IFI16: variants seen among roughly 807,000 people sequenced by gnomAD.
The protein encoded by IFI16 is gamma-interferon-inducible protein 16.
A neutral mutation model predicts 68.4 loss-of-function variants in IFI16; 49 were observed. The ratio of observed to expected loss-of-function variants is 0.72; its 90% CI spans 0.57 to 0.91. The LOEUF (loss-of-function observed/expected upper bound fraction) is 0.91, where lower values mean the gene tolerates loss of function less well. Ranked by LOEUF, IFI16 falls within the 40% of genes least tolerant of loss-of-function variation. The pLI is 0.00. For synonymous variants in IFI16, 307 were observed against 315.0 expected, an observed-to-expected ratio of 0.97 and a Z score of 0.27; for missense variants, 878 against 942.9, an observed-to-expected ratio of 0.93 and a Z score of 0.90.
intron 9 of IFI16, among the ~76,000 whole-genome samples, chr1:159,050,359 C>A (rs1208782135): frequency 6.6e-6 from 1 of 152,172 alleles, no homozygotes; most frequent in Non-Finnish European, 1.5e-5. Flanking sequence ...TCATTGCCCT[C>A]AGAGTAGCTT....
chr1:159,050,617 G>A (rs1329847830), intron 9 of IFI16, among the ~76,000 whole-genome samples: 2 of 152,136 alleles, frequency 1.3e-5, no homozygotes, highest in Admixed American at 1.3e-4. Context: ...CTGCCTCCAT[G>A]TTCTGGTCTC....
At chr1:159,045,729 T>G (rs1170013780) in intron 8 of IFI16, among the ~76,000 whole-genome samples, 1 of 151,088 alleles carries the variant, frequency 6.6e-6, no homozygotes, top group African/African-American at 2.4e-5. Flanking sequence ...TTTCCCTCAA[T>G]ACACCACGAA....
At chr1:159,036,681 T>A (rs16841571) in intron 7 of IFI16, among the ~76,000 whole-genome samples, 1 of 152,224 alleles carries the variant, frequency 6.6e-6, no homozygotes, top group African/African-American at 2.4e-5. Context: ...AATCAGGTGC[T>A]GTAAGTCTCT....
intron 10 of IFI16, chr1:159,052,693 G>A (rs920286022): frequency 1.3e-5 from 2 of 150,668 alleles, no homozygotes; most frequent in African/African-American, 4.9e-5. Flanking sequence ...AGAGAAATAC[G>A]AAGCAAAAAG....
At chr1:159,036,373 A>C (rs1461925102) in intron 7 of IFI16, among the ~76,000 whole-genome samples, 1 of 152,192 alleles carries the variant, frequency 6.6e-6, no homozygotes, top group Non-Finnish European at 1.5e-5. Context: ...TTTCTTATTC[A>C]TTCTTCCTTA....
chr1:159,040,001 C>T (rs1654529161), intron 7 of IFI16, among the ~76,000 whole-genome samples: 1 of 152,118 alleles, frequency 6.6e-6, no homozygotes, highest in Non-Finnish European at 1.5e-5. Flanking sequence ...CTATCTTAAA[C>T]CTGAAAACAT....
chr1:159,018,504 A>T lies in IFI16; in HGVS notation c.825A>T (p.Glu275Asp), dbSNP rs900365978. ...LEYDSLLEVN[E>D]ESTVSEAGPN... Reference sequence around the variant, plus strand: ...ATGATAGTCTCCTAGAGGTCAATGAAGAATCTACTGTATCTGAAGCTGGTC... The same window carrying T: ...ATGATAGTCTCCTAGAGGTCAATGATGAATCTACTGTATCTGAAGCTGGTC... Residue 275 changes from glutamate to aspartate, a missense_variant, in exon 5 of 12, where the codon GAA becomes GAT. Glu to Asp is a conservative substitution (Grantham distance 45). Transcript: ENST00000295809. 9.9e-6 allele frequency: 16 copies of T among 1,614,120 alleles called. No homozygotes were observed. The African/African-American group carries it at 1.9e-4, about 19-fold the overall frequency.
At chr1:159,035,536 G>A (rs1234217042) in intron 7 of IFI16, among the ~76,000 whole-genome samples, 1 of 152,126 alleles carries the variant, frequency 6.6e-6, no homozygotes, top group Non-Finnish European at 1.5e-5. Context: ...AGGATTATAT[G>A]CCTTCATGGC....
chr1:159,047,312 CT>C (rs1463399331), intron 8 of IFI16, among the ~76,000 whole-genome samples: 1 of 150,160 alleles, frequency 6.7e-6, no homozygotes, highest in Non-Finnish European at 1.5e-5. Context: ...ATATTTCCCC[CT>C]ATATAGTCTT....
At chr1:159,012,056 A>G (rs954560380) in intron 1 of IFI16, among the ~76,000 whole-genome samples, 1 of 152,008 alleles carries the variant, frequency 6.6e-6, no homozygotes, top group Non-Finnish European at 1.5e-5. Flanking sequence ...ACACCTAAAA[A>G]AGTTTATTTT....
In IFI16 at chr1:159,016,575, A is replaced by C. The variant is rs1399338359; in HGVS notation, c.424A>C (p.Ser142Arg). The C allele has an allele frequency of 1.2e-6, 2 of 1,614,060 alleles. No homozygotes were observed. Among genetic ancestry groups the C allele is most frequent in the Non-Finnish European group, 1.7e-6 (2 of 1,180,010 alleles). The change falls in exon 4 of 12, where the codon AGT (serine) becomes CGT (arginine). Residue 142 changes from serine to arginine, a missense_variant. Physicochemically the swap from Ser to Arg is moderately radical, Grantham distance 110. Around this residue, in one of 4 missense-constraint regions of IFI16, gnomAD observed 443 missense variants for 421.8 expected, o/e 1.05. Transcript: ENST00000295809. ...CAAAGAAAAGGCTGGACCCAAAGGG[A>C]GTAAGGTGTCCGAGGAACAGACTCA... is the stretch of plus-strand genomic sequence containing the variant. ...STKEKAGPKG[S>R]KVSEEQTQPP...
At chr1:159,021,055 C>T in intron 6 of IFI16, among the ~76,000 whole-genome samples, 1 of 152,146 alleles carries the variant, frequency 6.6e-6, no homozygotes, top group East Asian at 1.9e-4. Context: ...AGTTTCCTTA[C>T]AGTACATGAT....
intron 7 of IFI16, among the ~76,000 whole-genome samples, chr1:159,033,431 G>C (rs902501067): frequency 2.0e-5 from 3 of 152,200 alleles, no homozygotes; most frequent in African/African-American, 7.2e-5. Context: ...ATTCAGCTTA[G>C]AACATGGAAC....
upstream of IFI16, among the ~76,000 whole-genome samples, chr1:159,007,558 C>T (rs1212438256): frequency 6.6e-6 from 1 of 152,156 alleles, no homozygotes; most frequent in Non-Finnish European, 1.5e-5. Context: ...TACTGCTACA[C>T]ACTGGATTAT....
chr1:159,022,956 G>A lies in IFI16; in HGVS notation c.1161+2427G>A, dbSNP rs1286527103. ...ATTTTTTTTTGTCCTTTTAAGAGAA[G>A]TAATTTTTCAGAATAGGGTGGAGGA... On this transcript the variant is annotated intron_variant, in intron 6 of 11. Coordinates refer to ENST00000295809, the MANE Select transcript of IFI16 (RefSeq NM_001376587.1). Among the ~76,000 whole-genome samples, 3 of 152,160 alleles carry A rather than the reference G, an allele frequency of 2.0e-5. No homozygotes were observed. The East Asian group carries it at 5.8e-4, about 29-fold the overall frequency.
chr1:159,008,619 C>T (rs1302259432), upstream of IFI16, among the ~76,000 whole-genome samples: 1 of 152,116 alleles, frequency 6.6e-6, no homozygotes, highest in Non-Finnish European at 1.5e-5. Flanking sequence ...TTGGGGTTCC[C>T]AGTGACTGCC....
Position 159,014,946 on chromosome 1 carries a change from G to A in IFI16, c.265+1G>A, listed in dbSNP as rs767942607. 2 of 1,600,580 alleles carry A rather than the reference G, an allele frequency of 1.2e-6. No homozygotes were observed. Among genetic ancestry groups the A allele is most frequent in the African/African-American group, 1.4e-5 (1 of 74,068 alleles). On this transcript the variant is annotated splice_donor_variant, in intron 2 of 11. Coordinates refer to ENST00000295809, the MANE Select transcript of IFI16 (RefSeq NM_001376587.1). LOFTEE classifies it high-confidence loss of function. ...ACTCTTAAAAAAGAAAAGTTAAAAG[G>A]TAATTGGGAAGAGGGAACACCCACT... is the stretch of plus-strand genomic sequence containing the variant.
At chr1:159,004,936 G>C (rs1263774273), upstream of IFI16, among the ~76,000 whole-genome samples, 4 of 152,172 alleles carry the variant, frequency 2.6e-5, no homozygotes, top group Non-Finnish European at 5.9e-5. Context: ...CAGAGATAAA[G>C]CCGGAGAAGT....
At chr1:159,045,486 T>A in intron 8 of IFI16, 22 bp downstream of exon 8, 1 of 1,606,478 alleles carries the variant, frequency 6.2e-7, no homozygotes, top group Non-Finnish European at 8.5e-7. Flanking sequence ...CTCTTCCCAA[T>A]ACATTCCCCT....
Sources: allele counts gnomAD v4.1 joint callset (sites outside exome capture counted in the v4.1 genomes callset), GRCh38; gene constraint gnomAD v4.1.1; regional missense constraint gnomAD v4.1.1; transcripts MANE v1.5; gene names NCBI Gene and HGNC (gene_info 2026-07-23, HGNC 2026-07-21).